The following TECPR2 variants were observed in gnomAD, a reference collection of about 807,000 sequenced individuals.
TECPR2 encodes the protein tectonin beta-propeller repeat containing 2, also known as tectonin beta-propeller repeat-containing protein 2.
Under a neutral mutation model 138.1 loss-of-function variants are expected in TECPR2, and 65 were observed. The ratio of observed to expected loss-of-function variants is 0.47; its 90% CI spans 0.39 to 0.58. The LOEUF is 0.58. Ranked by LOEUF, TECPR2 falls within the 20% of genes least tolerant of loss-of-function variation. The pLI is 0.00. For missense variants in TECPR2, 1,553 were observed against 1,824.5 expected, an observed-to-expected ratio of 0.85 and a Z score of 2.71; for synonymous variants, 746 against 749.8, an observed-to-expected ratio of 0.99 and a Z score of 0.08.
chr14:102,473,411 C>T (rs1218079335), intron 17 of TECPR2, among the ~76,000 whole-genome samples: 1 of 152,146 alleles, frequency 6.6e-6, no homozygotes, highest in African/African-American at 2.4e-5. Context: ...GGAGAACAAG[C>T]GGGGTTTATG....
intron 7 of TECPR2, among the ~76,000 whole-genome samples, chr14:102,431,407 A>G (rs1281420817): frequency 6.8e-6 from 1 of 148,010 alleles, no homozygotes; most frequent in African/African-American, 2.5e-5. Flanking sequence ...CAGTGGCGCA[A>G]TCTCGGCTCA....
At chr14:102,408,025 T>C (rs1174649974) in intron 3 of TECPR2, among the ~76,000 whole-genome samples, 5 of 146,984 alleles carry the variant, frequency 3.4e-5, no homozygotes, top group South Asian at 2.2e-4. Flanking sequence ...AAAAATTAGC[T>C]GGGCGTGGTG....
chr14:102,365,017 A>G (rs1377999035), intron 1 of TECPR2, among the ~76,000 whole-genome samples: 1 of 152,228 alleles, frequency 6.6e-6, no homozygotes. Context: ...ATGCATGTTC[A>G]ATTTAAAATG....
At chr14:102,432,499 A>G (rs993653491) in intron 8 of TECPR2, among the ~76,000 whole-genome samples, 4 of 151,888 alleles carry the variant, frequency 2.6e-5, no homozygotes, top group African/African-American at 9.7e-5. Context: ...GCTCACTGCA[A>G]CCTCACCTCC....
intron 10 of TECPR2, among the ~76,000 whole-genome samples, chr14:102,439,642 A>G (rs1889776107): frequency 6.6e-6 from 1 of 152,128 alleles, no homozygotes; most frequent in Non-Finnish European, 1.5e-5. Context: ...GGAACTCTGT[A>G]TCTCCATGAG....
intron 15 of TECPR2, among the ~76,000 whole-genome samples, chr14:102,452,097 G>T (rs1890158657): frequency 6.6e-6 from 1 of 152,216 alleles, no homozygotes; most frequent in African/African-American, 2.4e-5. Flanking sequence ...ATGAAAAATG[G>T]GAGGTCAAAG....
At chr14:102,474,060 T>C (rs115774943) in intron 17 of TECPR2, among the ~76,000 whole-genome samples, 1,598 of 151,766 alleles carry the variant, frequency 0.011, 31 homozygotes, top group African/African-American at 0.037. Flanking sequence ...GAGTTCAAAA[T>C]CAGCCTAGGC....
At chr14:102,483,800 T>C (rs1410405888) in intron 17 of TECPR2, among the ~76,000 whole-genome samples, 2 of 146,958 alleles carry the variant, frequency 1.4e-5, no homozygotes, top group African/African-American at 2.5e-5. Flanking sequence ...TCTTTTTTTT[T>C]TTTTTTTTTT....
intron 2 of TECPR2, among the ~76,000 whole-genome samples, chr14:102,404,814 T>G (rs1427104234): frequency 6.6e-6 from 1 of 151,852 alleles, no homozygotes; most frequent in African/African-American, 2.4e-5. Context: ...CCTCAAGTGA[T>G]TCGCCTGCAT....
At chr14:102,424,451 C>T (rs1430853755) in intron 5 of TECPR2, among the ~76,000 whole-genome samples, 1 of 152,204 alleles carries the variant, frequency 6.6e-6, no homozygotes, top group Non-Finnish European at 1.5e-5. Flanking sequence ...TCTCCTGCCT[C>T]AGCCTCCCGA....
chr14:102,375,043 C>A (rs1006987854), intron 1 of TECPR2, among the ~76,000 whole-genome samples: 5 of 152,066 alleles, frequency 3.3e-5, no homozygotes, highest in African/African-American at 1.2e-4. Flanking sequence ...TGTGGATAGG[C>A]CGGACACGGT....
intron 17 of TECPR2, among the ~76,000 whole-genome samples, chr14:102,495,295 T>C (rs917360877): frequency 6.6e-6 from 1 of 152,100 alleles, no homozygotes; most frequent in Non-Finnish European, 1.5e-5. Flanking sequence ...TGCCTGTCAG[T>C]GTTTTGGCTG....
intron 2 of TECPR2, among the ~76,000 whole-genome samples, chr14:102,389,928 G>A (rs1287775602): frequency 6.6e-6 from 1 of 152,182 alleles, no homozygotes. Flanking sequence ...TTAAAAAGTT[G>A]TGTTAGTATT....
Position 102,501,005 on chromosome 14 carries a change from C to G in TECPR2, c.*2748C>G, listed in dbSNP as rs1166423463. 6.6e-6 allele frequency: 1 copy of G among 152,294 alleles called. No homozygotes were observed. 9.4% of individuals were successfully genotyped at this position (152,294 alleles called of 1,614,324 possible). A position where few individuals can be genotyped will look rare whatever the true frequency, so the allele number is the denominator to read the frequency against. ...TGCTGTTTGATGCCTCCTCACTGTC[C>G]CGTCACTCCTGGGAAGAAGAAACGG... On this transcript the variant is annotated 3_prime_UTR_variant, in exon 20 of 20. Transcript: ENST00000359520.
intron 4 of TECPR2, among the ~76,000 whole-genome samples, chr14:102,414,251 C>T (rs779934106): frequency 1.3e-5 from 2 of 152,132 alleles, no homozygotes; most frequent in Non-Finnish European, 2.9e-5. Context: ...GCAATACACA[C>T]AGTGCAACAG....
chr14:102,492,257 C>CAGGAAGTG (rs1891174006), intron 17 of TECPR2, among the ~76,000 whole-genome samples: 1 of 152,210 alleles, frequency 6.6e-6, no homozygotes, highest in South Asian at 2.1e-4. Context: ...GAGTGAGGGC[C>CAGGAAGTG]CTGCCAGGGA....
intron 9 of TECPR2, among the ~76,000 whole-genome samples, chr14:102,435,550 GA>G (rs1172276196): frequency 1.3e-5 from 2 of 152,206 alleles, no homozygotes; most frequent in African/African-American, 2.4e-5. Context: ...GGCCATCTCA[GA>G]AAACCAGTGG....
chr14:102,432,298 T>TACACACACACACACACACACACAACAC (rs1555451259), intron 8 of TECPR2, among the ~76,000 whole-genome samples, 170 bp downstream of exon 8: 14 of 148,902 alleles, frequency 9.4e-5, no homozygotes, highest in African/African-American at 3.5e-4. Flanking sequence ...TAACGGAAAA[T>TACACACACACACACACACACACAACAC]ACACACACAC....
At chr14:102,426,165 C>A (rs993573844) in intron 6 of TECPR2, among the ~76,000 whole-genome samples, 2 of 151,700 alleles carry the variant, frequency 1.3e-5, no homozygotes, top group African/African-American at 4.8e-5. Context: ...GGGTTACAGG[C>A]GTGAACCGCC....
Sources: allele counts gnomAD v4.1 joint callset (sites outside exome capture counted in the v4.1 genomes callset), GRCh38; gene constraint gnomAD v4.1.1; transcripts MANE v1.5; gene names NCBI Gene and HGNC (gene_info 2026-07-23, HGNC 2026-07-21).